NAV3: variants seen among roughly 807,000 people sequenced by gnomAD.
NAV3 encodes the protein neuron navigator 3.
NAV3 carries 87 observed loss-of-function variants against 244.7 expected under a neutral mutation model. The ratio of observed to expected loss-of-function variants is 0.36; its 90% CI spans 0.30 to 0.42. The LOEUF (loss-of-function observed/expected upper bound fraction) is 0.42. Ranked by LOEUF, NAV3 falls within the 20% of genes least tolerant of loss-of-function variation. NAV3 has a pLI of 1.00. For synonymous variants in NAV3, 1,126 were observed against 1,042.2 expected (o/e 1.08, Z -1.55); for missense variants, 2,663 against 2,893.3 (o/e 0.92, Z 1.83).
intron 2 of NAV3, among the ~76,000 whole-genome samples, chr12:77,758,825 A>G (rs1869321816): frequency 6.6e-6 from 1 of 152,252 alleles, no homozygotes; most frequent in South Asian, 2.1e-4. Flanking sequence ...TGAATTCAAT[A>G]GTAAAGAAGT....
At chr12:77,988,879 G>A (rs544657047) in intron 5 of NAV3, among the ~76,000 whole-genome samples, 2 of 152,212 alleles carry the variant, frequency 1.3e-5, no homozygotes, top group Non-Finnish European at 2.9e-5. Context: ...TGAAACCTGG[G>A]AAATGGTATT....
chr12:77,968,771 A>G, intron 5 of NAV3, 69 bp downstream of exon 5: 1 of 1,460,752 alleles, frequency 6.8e-7, no homozygotes, highest in Non-Finnish European at 9.4e-7. Context: ...TTAACAAATT[A>G]TTGTCCATGA....
At chr12:77,622,534 ATTTTTT>A (rs529338324) in intron 2 of NAV3, among the ~76,000 whole-genome samples, 10 of 90,712 alleles carry the variant, frequency 1.1e-4, no homozygotes, top group South Asian at 4.3e-4. Flanking sequence ...ATCCATATGG[ATTTTTT>A]TTTTTTTTTT....
At chr12:77,588,288 A>T (rs1158824803) in intron 2 of NAV3, among the ~76,000 whole-genome samples, 3 of 149,016 alleles carry the variant, frequency 2.0e-5, no homozygotes, top group Admixed American at 6.7e-5. Flanking sequence ...TGATTTTTTT[A>T]TTTTTTTTTT....
At chr12:78,173,559 C>T (rs1958094549) in intron 24 of NAV3, among the ~76,000 whole-genome samples, 1 of 151,434 alleles carries the variant, frequency 6.6e-6, no homozygotes, top group Non-Finnish European at 1.5e-5. Flanking sequence ...TTCTATTGCC[C>T]ATTTATATGA....
At chr12:77,624,353 G>T (rs1871520012) in intron 2 of NAV3, among the ~76,000 whole-genome samples, 2 of 152,114 alleles carry the variant, frequency 1.3e-5, no homozygotes, top group African/African-American at 4.8e-5. Flanking sequence ...TGGAGAGGTA[G>T]CCCAAGTGCC....
At chr12:77,764,125 G>T (rs1326901746) in intron 2 of NAV3, among the ~76,000 whole-genome samples, 1 of 152,136 alleles carries the variant, frequency 6.6e-6, no homozygotes, top group African/African-American at 2.4e-5. Context: ...CCCACAAGTG[G>T]ATGAATGCCT....
intron 2 of NAV3, among the ~76,000 whole-genome samples, chr12:77,730,461 A>G (rs1174243319): frequency 6.6e-6 from 1 of 151,906 alleles, no homozygotes; most frequent in Non-Finnish European, 1.5e-5. Context: ...GCTAAAAAGA[A>G]AACAAAGGAG....
At chr12:77,847,396 CA>C (rs1383622387) in intron 1 of NAV3, among the ~76,000 whole-genome samples, 1 of 152,130 alleles carries the variant, frequency 6.6e-6, no homozygotes, top group African/African-American at 2.4e-5. Flanking sequence ...CTAGTTATCC[CA>C]GGCAGAAAAT....
intron 2 of NAV3, among the ~76,000 whole-genome samples, chr12:77,630,578 G>A (rs12301379): frequency 0.12 from 18,172 of 152,048 alleles, 2,013 homozygotes; most frequent in African/African-American, 0.29. Context: ...TACCTTGCCC[G>A]TACATGTCTT....
intron 2 of NAV3, among the ~76,000 whole-genome samples, chr12:77,683,491 T>C (rs888471166): frequency 5.3e-5 from 8 of 152,144 alleles, no homozygotes; most frequent in Non-Finnish European, 8.8e-5. Context: ...TTAGGATTGC[T>C]TCAGCTATTT....
chr12:77,896,364 T>C (rs560625255), intron 1 of NAV3, among the ~76,000 whole-genome samples: 5 of 152,350 alleles, frequency 3.3e-5, no homozygotes, highest in African/African-American at 1.2e-4. Flanking sequence ...TTTCCTTAGA[T>C]GTGTTTTACA....
At chr12:78,191,517 A>G (rs879691180) in intron 34 of NAV3, among the ~76,000 whole-genome samples, 2 of 152,184 alleles carry the variant, frequency 1.3e-5, no homozygotes, top group Non-Finnish European at 2.9e-5. Flanking sequence ...ACAACGATGT[A>G]CATAAAGCAC....
chr12:78,198,685 A>T lies in NAV3; in HGVS notation c.6518+9A>T. On this transcript the variant is annotated intron_variant, in intron 36 of 39. Coordinates refer to ENST00000397909, the MANE Select transcript of NAV3 (RefSeq NM_001024383.2). The stretch of plus-strand genomic sequence containing the variant: ...CTGCATCACAATTTCAGGTAAAGTT[A>T]AGTTGAAGGTTTTTTTGTTTTGTTT... 7.0e-7 allele frequency: 1 copy of T among 1,418,860 alleles called. No individual in the cohort carries two copies. The allele number at this position is 1,418,860 out of a possible 1,614,324, so 87.9% of individuals were successfully genotyped here. A position where few individuals can be genotyped will look rare whatever the true frequency, so the allele number is the denominator to read the frequency against.
At chr12:77,954,512 T>A (rs1194288965) in intron 3 of NAV3, among the ~76,000 whole-genome samples, 13 of 152,214 alleles carry the variant, frequency 8.5e-5, no homozygotes. Context: ...CTCTACTGAA[T>A]AAGAAAAATA....
intron 12 of NAV3, among the ~76,000 whole-genome samples, chr12:78,102,876 T>C (rs1954607802): frequency 6.6e-6 from 1 of 152,138 alleles, no homozygotes; most frequent in African/African-American, 2.4e-5. Flanking sequence ...GTCTCTAGGC[T>C]GCACACAGTA....
intron 2 of NAV3, among the ~76,000 whole-genome samples, chr12:77,810,723 CTTA>C (rs1872247256): frequency 6.6e-6 from 1 of 152,022 alleles, no homozygotes; most frequent in Non-Finnish European, 1.5e-5. Context: ...AAATGTATTC[CTTA>C]TTAAGCCTCT....
At chr12:77,768,659 G>T (rs934446954) in intron 2 of NAV3, among the ~76,000 whole-genome samples, 5 of 152,226 alleles carry the variant, frequency 3.3e-5, no homozygotes, top group African/African-American at 1.2e-4. Flanking sequence ...CTGAACCTGT[G>T]GGGGCAGGGG....
At chr12:77,577,401 C>A (rs191139798) in intron 2 of NAV3, among the ~76,000 whole-genome samples, 3 of 152,046 alleles carry the variant, frequency 2.0e-5, no homozygotes, top group Non-Finnish European at 4.4e-5. Context: ...ATTCATATGG[C>A]GGCCTTTTTG....
Sources: allele counts gnomAD v4.1 joint callset (sites outside exome capture counted in the v4.1 genomes callset), GRCh38; gene constraint gnomAD v4.1.1; transcripts MANE v1.5; gene names NCBI Gene and HGNC (gene_info 2026-07-23, HGNC 2026-07-21).